Variants in ASIC2 observed in about 807,000 individuals in gnomAD.
ASIC2 encodes the protein acid sensing ion channel subunit 2.
A neutral mutation model predicts 57.3 loss-of-function variants in ASIC2; 25 were observed. The ratio of observed to expected loss-of-function variants is 0.44; its 90% CI spans 0.32 to 0.61. The LOEUF is 0.61. Ranked by LOEUF, ASIC2 falls within the 20% of genes least tolerant of loss-of-function variation. ASIC2 has a pLI of 0.06. For missense variants in ASIC2, 641 were observed against 738.1 expected (o/e 0.87, Z 1.52); for synonymous variants, 319 against 307.5 (o/e 1.04, Z -0.39).
intron 1 of ASIC2, among the ~76,000 whole-genome samples, chr17:33,847,541 G>A (rs950457861): frequency 6.6e-6 from 1 of 152,108 alleles, no homozygotes; most frequent in Non-Finnish European, 1.5e-5. Flanking sequence ...GACCCTGCTC[G>A]CTGGGTACAG....
chr17:33,779,034 G>A (rs1466328422), intron 1 of ASIC2, among the ~76,000 whole-genome samples: 27 of 152,146 alleles, frequency 1.8e-4, no homozygotes, highest in Admixed American at 1.8e-3. Flanking sequence ...GCACATAGTA[G>A]GTGCTCAAAA....
intron 1 of ASIC2, among the ~76,000 whole-genome samples, chr17:33,440,254 C>G (rs1388182829): frequency 6.6e-6 from 1 of 152,178 alleles, no homozygotes; most frequent in Non-Finnish European, 1.5e-5. Flanking sequence ...TTGGATCTGG[C>G]CTCTTTTCCT....
At chr17:33,481,696 C>A (rs990775450) in intron 1 of ASIC2, among the ~76,000 whole-genome samples, 1 of 152,048 alleles carries the variant, frequency 6.6e-6, no homozygotes, top group Non-Finnish European at 1.5e-5. Context: ...TTTTTTAAAC[C>A]ATTTAAAACA....
intron 8 of ASIC2, among the ~76,000 whole-genome samples, chr17:33,016,562 C>G (rs28927): frequency 0.052 from 7,891 of 152,168 alleles, 252 homozygotes; most frequent in African/African-American, 0.096. Context: ...CAGTTTTCCA[C>G]AAAAGTCAAT....
intron 1 of ASIC2, among the ~76,000 whole-genome samples, chr17:33,846,434 T>G (rs1913604412): frequency 6.6e-6 from 1 of 152,196 alleles, no homozygotes; most frequent in South Asian, 2.1e-4. Flanking sequence ...CTAATAGCTC[T>G]GATTGCCAAG....
intron 1 of ASIC2, among the ~76,000 whole-genome samples, chr17:33,926,392 T>C (rs1446284145): frequency 6.6e-6 from 1 of 152,194 alleles, no homozygotes; most frequent in Admixed American, 6.5e-5. Context: ...ATATAGATAA[T>C]GAGATATCTT....
At chr17:33,984,190 G>A (rs141395793) in intron 1 of ASIC2, 3 of 152,296 alleles carry the variant, frequency 2.0e-5, no homozygotes, top group Non-Finnish European at 4.4e-5. Flanking sequence ...CACTCACCTT[G>A]ACATCCTGTG....
At chr17:33,363,012 A>G (rs1908670120) in intron 1 of ASIC2, among the ~76,000 whole-genome samples, 1 of 152,222 alleles carries the variant, frequency 6.6e-6, no homozygotes, top group South Asian at 2.1e-4. Context: ...ATAATTTCAG[A>G]GAATCTTTGC....
chr17:33,639,811 G>C (rs1344563411), intron 1 of ASIC2, among the ~76,000 whole-genome samples: 2 of 143,706 alleles, frequency 1.4e-5, no homozygotes, highest in Non-Finnish European at 3.0e-5. Flanking sequence ...TTAACAAATA[G>C]AGCCAGCGGC....
chr17:33,853,498 T>C (rs1332260896), intron 1 of ASIC2, among the ~76,000 whole-genome samples: 1 of 152,166 alleles, frequency 6.6e-6, no homozygotes, highest in African/African-American at 2.4e-5. Context: ...AAAGGGACAA[T>C]GTGACCTGGA....
intron 1 of ASIC2, among the ~76,000 whole-genome samples, chr17:33,161,120 C>T (rs1459761822): frequency 1.3e-5 from 2 of 152,128 alleles, no homozygotes; most frequent in Admixed American, 6.5e-5. Flanking sequence ...TAAAGGCCTG[C>T]TCCAGGGTGA....
At chr17:33,501,078 C>T (rs1231895010) in intron 1 of ASIC2, among the ~76,000 whole-genome samples, 1 of 152,220 alleles carries the variant, frequency 6.6e-6, no homozygotes, top group Non-Finnish European at 1.5e-5. Context: ...CCATGGGTGG[C>T]ATCTGAATCC....
At chr17:34,127,143 G>T (rs560863359) in intron 1 of ASIC2, among the ~76,000 whole-genome samples, 1 of 152,178 alleles carries the variant, frequency 6.6e-6, no homozygotes, top group Non-Finnish European at 1.5e-5. Flanking sequence ...TTCAGTAAGA[G>T]GGGGTTTGTT....
intron 1 of ASIC2, among the ~76,000 whole-genome samples, chr17:33,656,243 A>G (rs907501202): frequency 3.9e-5 from 6 of 152,182 alleles, no homozygotes; most frequent in Non-Finnish European, 8.8e-5. Context: ...TAAAGAACAT[A>G]TAATCTCCAA....
intron 5 of ASIC2, 152 bp downstream of exon 5, chr17:33,025,774 T>A: frequency 3.0e-6 from 2 of 661,014 alleles, no homozygotes; most frequent in Non-Finnish European, 4.8e-6. Flanking sequence ...CCCTCTCCCA[T>A]CCCTGCAGCA....
At chr17:33,757,558 T>A (rs1020670889) in intron 1 of ASIC2, among the ~76,000 whole-genome samples, 1 of 152,152 alleles carries the variant, frequency 6.6e-6, no homozygotes, top group Non-Finnish European at 1.5e-5. Flanking sequence ...TTACTTCAAT[T>A]TAAGTCCAAA....
At chr17:33,934,423 G>A (rs905942028) in intron 1 of ASIC2, among the ~76,000 whole-genome samples, 2 of 152,062 alleles carry the variant, frequency 1.3e-5, no homozygotes, top group Non-Finnish European at 2.9e-5. Flanking sequence ...ATAGAATAAT[G>A]AAGAAGATAT....
At chr17:33,663,686 G>T (rs1343551275) in intron 1 of ASIC2, among the ~76,000 whole-genome samples, 2 of 152,212 alleles carry the variant, frequency 1.3e-5, no homozygotes, top group Non-Finnish European at 2.9e-5. Flanking sequence ...TAATGCAGCA[G>T]TGGGGGTATG....
chr17:33,488,425 C>G (rs1913645899), intron 1 of ASIC2, among the ~76,000 whole-genome samples: 1 of 152,216 alleles, frequency 6.6e-6, no homozygotes, highest in African/African-American at 2.4e-5. Context: ...GCATTCACAT[C>G]AGGGTCACCT....
Sources: gnomAD v4.1 joint callset for allele counts (sites outside exome capture counted in the v4.1 genomes callset) on GRCh38, gnomAD v4.1.1 for gene constraint, MANE v1.5 for transcripts, NCBI Gene and HGNC (gene_info 2026-07-23, HGNC 2026-07-21) for gene names.